ZNF860: variants seen among roughly 807,000 people sequenced by gnomAD.
ZNF860 encodes zinc finger protein 860.
For synonymous variants in ZNF860, 206 were observed against 248.9 expected, an observed-to-expected ratio of 0.83 and a Z score of 1.62; for missense variants, 641 against 759.2, an observed-to-expected ratio of 0.84 and a Z score of 1.83.
chr3:31,995,318 C>T (rs576690966), downstream of ZNF860, among the ~76,000 whole-genome samples: 2 of 152,240 alleles, frequency 1.3e-5, no homozygotes, highest in African/African-American at 4.8e-5. Context: ...ATCCCCAGAG[C>T]GGCCGTTTAT....
the ZNF860 span, among the ~76,000 whole-genome samples, chr3:31,999,346 A>T: frequency 6.7e-6 from 1 of 149,260 alleles, no homozygotes; most frequent in Non-Finnish European, 1.5e-5. Flanking sequence ...TTTTCAGATA[A>T]AAATATCAAA....
chr3:31,988,736 G>A lies in ZNF860; in HGVS notation c.-344G>A, dbSNP rs1457645327. On this transcript the variant is annotated 5_prime_UTR_variant, in exon 2 of 2. Coordinates refer to ENST00000360311, the MANE Select transcript of ZNF860 (RefSeq NM_001137674.3). ...GGATAGCCCAGGCAGGAGGCATGAA[G>A]GTGTGCCAGCCACTGTGTCAGTCAC... 3 of 297,912 alleles carry A rather than the reference G, an allele frequency of 1.0e-5. No homozygotes were observed. The highest frequency in any genetic ancestry group is 1.9e-5 in the Non-Finnish European group (3 of 159,152). 18.5% of individuals were successfully genotyped at this position (297,912 alleles called of 1,614,324 possible).
At chr3:31,997,622 GA>G in the ZNF860 span, among the ~76,000 whole-genome samples, 1 of 151,482 alleles carries the variant, frequency 6.6e-6, no homozygotes, top group Non-Finnish European at 1.5e-5. Context: ...GCAGAAGAAG[GA>G]TTTTTTTTGT....
intron 1 of ZNF860, among the ~76,000 whole-genome samples, chr3:31,984,668 T>C (rs1174592768): frequency 6.6e-6 from 1 of 152,210 alleles, no homozygotes; most frequent in African/African-American, 2.4e-5. Flanking sequence ...AACTATGCCT[T>C]TATCTTAGCA....
chr3:32,004,092 A>C, the ZNF860 span, among the ~76,000 whole-genome samples: 3 of 152,196 alleles, frequency 2.0e-5, no homozygotes, highest in Admixed American at 1.3e-4. Flanking sequence ...AGAATTTTAA[A>C]TTATTGAACT....
At position 31,990,969 on chromosome 3, in the gene ZNF860, CT is replaced by C; in HGVS notation, c.1892del (p.Phe631SerfsTer42). ...SYKCHKRGKV[F>X]S ...ACAAATGTCATAAGCGTGGCAAGGT[CT>C]TCAGTTAGAGGTCACTCCTTGCAAA... On this transcript the variant is annotated frameshift_variant, in exon 2 of 2. Coordinates refer to ENST00000360311, the MANE Select transcript of ZNF860 (RefSeq NM_001137674.3). LOFTEE classifies it high-confidence loss of function. The C allele has an allele frequency of 6.4e-7, 1 of 1,573,114 alleles. No individual in the cohort carries two copies. The highest frequency in any genetic ancestry group is 1.2e-5 in the South Asian group (1 of 85,422).
downstream of ZNF860, among the ~76,000 whole-genome samples, chr3:31,994,930 G>A (rs1699073601): frequency 6.6e-6 from 1 of 152,084 alleles, no homozygotes; most frequent in Non-Finnish European, 1.5e-5. Context: ...GGCTGCCAGG[G>A]GTGACATCAC....
chr3:31,990,965 A>G lies in ZNF860; in HGVS notation c.1886A>G (p.Lys629Arg), dbSNP rs1293089429. The G allele has an allele frequency of 6.4e-7, 1 of 1,574,556 alleles. No homozygotes were observed. Among genetic ancestry groups the G allele is most frequent in the African/African-American group, 1.4e-5 (1 of 73,922 alleles). ...QKSYKCHKRG[K>R]VFS is the part of the protein sequence containing the mutation. ...TCTTACAAATGTCATAAGCGTGGCA[A>G]GGTCTTCAGTTAGAGGTCACTCCTT... Residue 629 changes from lysine (K) to arginine (R), a missense_variant, in exon 2 of 2, where the codon AAG (lysine) becomes AGG (arginine). Lys to Arg is a conservative substitution (Grantham distance 26). Transcript: ENST00000360311.
In ZNF860 at chr3:31,990,617, A is replaced by G. The variant is rs1699015848; in HGVS notation, c.1538A>G (p.Asn513Ser). 6.2e-7 allele frequency: 1 copy of G among 1,614,182 alleles called. No homozygotes were observed. Among genetic ancestry groups the G allele is most frequent in the South Asian group, 1.1e-5 (1 of 91,078 alleles). The change falls in exon 2 of 2, where the codon AAT (asparagine) becomes AGT (serine). Residue 513 changes from asparagine (N) to serine (S), a missense_variant. Transcript: ENST00000360311. ...IHTGEKPYKC[N>S]ECGKVFNQQA... ...ACTGGAGAGAAACCTTACAAGTGTAATGAATGTGGCAAGGTTTTTAATCAA... is the reference window on the plus strand; with the variant it reads ...ACTGGAGAGAAACCTTACAAGTGTAGTGAATGTGGCAAGGTTTTTAATCAA...
chr3:31,998,720 T>C, the ZNF860 span, among the ~76,000 whole-genome samples: 17 of 152,326 alleles, frequency 1.1e-4, no homozygotes, highest in East Asian at 3.3e-3. Context: ...ACTCCGCCCT[T>C]TCCCTTTCTA....
chr3:32,001,603 T>C, the ZNF860 span, among the ~76,000 whole-genome samples: 1 of 152,250 alleles, frequency 6.6e-6, no homozygotes, highest in Non-Finnish European at 1.5e-5. Context: ...TTATATTCTG[T>C]ACCAGAGAAA....
intron 1 of ZNF860, among the ~76,000 whole-genome samples, chr3:31,986,604 AT>A (rs940689174): frequency 3.3e-5 from 5 of 150,060 alleles, no homozygotes; most frequent in African/African-American, 1.0e-4. Flanking sequence ...AAAAGTTTAT[AT>A]TTTTTTATAC....
Position 31,988,787 on chromosome 3 carries a change from G to GCTCA in ZNF860, c.-291_-290insCACT. On this transcript the variant is annotated 5_prime_UTR_variant, in exon 2 of 2. Coordinates refer to ENST00000360311, the MANE Select transcript of ZNF860 (RefSeq NM_001137674.3). ...CTTATAAGCAGATTTTCTGAGACCT[G>GCTCA]CTAACAGCCATGTGAGTGACCTTGG... The GCTCA allele has an allele frequency of 2.2e-6, 1 of 450,368 alleles. No homozygotes were observed. The highest frequency in any genetic ancestry group is 2.8e-5 in the South Asian group (1 of 35,148). The allele number at this position is 450,368 out of a possible 1,614,324, so 27.9% of individuals were successfully genotyped here. A position where few individuals can be genotyped will look rare whatever the true frequency, so the allele number is the denominator to read the frequency against.
the ZNF860 span, among the ~76,000 whole-genome samples, chr3:31,998,816 A>G: frequency 2.6e-5 from 4 of 152,124 alleles, no homozygotes; most frequent in Non-Finnish European, 4.4e-5. Flanking sequence ...GCCATTGGCT[A>G]TGGTAGATCT....
At chr3:31,995,871 G>C (rs1011850389), downstream of ZNF860, among the ~76,000 whole-genome samples, 4 of 152,178 alleles carry the variant, frequency 2.6e-5, no homozygotes, top group African/African-American at 9.7e-5. Context: ...CAGTTAGTGT[G>C]ATCAATGCAG....
chr3:32,004,352 A>G, the ZNF860 span, among the ~76,000 whole-genome samples: 1 of 152,156 alleles, frequency 6.6e-6, no homozygotes, highest in Admixed American at 6.5e-5. Context: ...ATGCTGTGAT[A>G]GGCAAGCCCC....
At position 31,990,359 on chromosome 3, in the gene ZNF860, A is replaced by C. The variant is rs1439652147; in HGVS notation, c.1280A>C (p.Lys427Thr). The C allele has an allele frequency of 4.3e-6, 7 of 1,614,130 alleles. No homozygotes were observed. The highest frequency in any genetic ancestry group is 5.1e-6 in the Non-Finnish European group (6 of 1,179,982). ...WRIHNEERSYKCNKCGKFFRR... is the reference protein window; with the variant it reads ...WRIHNEERSYTCNKCGKFFRR... ...ATCCATAATGAAGAGAGATCTTACA[A>C]GTGTAATAAATGTGGCAAATTTTTT... Residue 427 changes from lysine to threonine, a missense_variant, in exon 2 of 2, where the codon AAG (lysine) becomes ACG (threonine). By Grantham distance (78) the Lys-to-Thr change is moderately conservative (BLOSUM62 -1). Coordinates refer to ENST00000360311, the MANE Select transcript of ZNF860 (RefSeq NM_001137674.3).
chr3:31,999,979 A>G, the ZNF860 span, among the ~76,000 whole-genome samples: 4 of 152,128 alleles, frequency 2.6e-5, no homozygotes, highest in Non-Finnish European at 5.9e-5. Flanking sequence ...GACTTTAAAT[A>G]TCTAGTGGTG....
downstream of ZNF860, among the ~76,000 whole-genome samples, chr3:31,993,303 A>G (rs1699054345): frequency 6.6e-6 from 1 of 151,766 alleles, no homozygotes; most frequent in African/African-American, 2.4e-5. Context: ...TCCACCTCCC[A>G]GGTTCAAGCA....
Sources: allele counts gnomAD v4.1 joint callset (sites outside exome capture counted in the v4.1 genomes callset), GRCh38; gene constraint gnomAD v4.1.1; transcripts MANE v1.5; gene names NCBI Gene and HGNC (gene_info 2026-07-23, HGNC 2026-07-21).